Variants in AKAP13 observed in about 807,000 individuals in gnomAD.
The protein encoded by AKAP13 is A-kinase anchoring protein 13.
Under a neutral mutation model 264.5 loss-of-function variants are expected in AKAP13, and 80 were observed. The observed-to-expected ratio is 0.30, with a 90% CI of 0.25 to 0.36. The LOEUF (loss-of-function observed/expected upper bound fraction) is 0.36. Ranked by LOEUF, AKAP13 falls within the 10% of genes least tolerant of loss-of-function variation. The pLI is 1.00. For missense variants in AKAP13, 3,712 were observed against 3,435.2 expected (o/e 1.08, Z -2.01); for synonymous variants, 1,380 against 1,250.2 (o/e 1.10, Z -2.19).
intron 1 of AKAP13, among the ~76,000 whole-genome samples, chr15:85,399,501 TCAAAAA>T (rs2071287054): frequency 6.1e-5 from 1 of 16,376 alleles, no homozygotes; most frequent in East Asian, 1.3e-3. Flanking sequence ...AGACTCCGTC[TCAAAAA>T]AAAAAAAAAA....
At chr15:85,423,539 T>C (rs1219590237) in intron 1 of AKAP13, among the ~76,000 whole-genome samples, 3 of 152,236 alleles carry the variant, frequency 2.0e-5, no homozygotes, top group African/African-American at 7.2e-5. Flanking sequence ...CCACTTCCAA[T>C]TCTAATTCTC....
At chr15:85,680,764 C>G (rs1489568278) in intron 14 of AKAP13, among the ~76,000 whole-genome samples, 1 of 152,164 alleles carries the variant, frequency 6.6e-6, no homozygotes, top group South Asian at 2.1e-4. Flanking sequence ...TGTTCAGAAT[C>G]TGGAACAGTT....
At chr15:85,653,951 A>G (rs575568293) in intron 10 of AKAP13, among the ~76,000 whole-genome samples, 45 of 152,160 alleles carry the variant, frequency 3.0e-4, no homozygotes, top group Non-Finnish European at 5.7e-4. Context: ...TCTCAGGTTC[A>G]AGAGATTTTC....
At chr15:85,736,529 G>A (rs538739696) in intron 33 of AKAP13, among the ~76,000 whole-genome samples, 1 of 152,248 alleles carries the variant, frequency 6.6e-6, no homozygotes, top group African/African-American at 2.4e-5. Context: ...CAGAGTAGCT[G>A]GGACTACAGG....
chr15:85,730,616 C>T lies in AKAP13; in HGVS notation c.7191C>T (p.Cys2397=). Residue 2397 remains cysteine (C), a synonymous_variant, in exon 30 of 37, where the codon TGC becomes TGT. Coordinates refer to ENST00000394518, the MANE Select transcript of AKAP13 (RefSeq NM_007200.5). ...AECSTPLPED[C]SPTHSPRVLF... ...GCAGCACCCCTCTCCCAGAGGATTG[C>T]TCCCCAACACATAGCCCTAGAGTTC... 3.1e-6 allele frequency: 5 copies of T among 1,614,114 alleles called. No homozygotes were observed. The highest frequency in any genetic ancestry group is 4.2e-6 in the Non-Finnish European group (5 of 1,180,002).
chr15:85,510,157 T>C lies in AKAP13; in HGVS notation c.34-11271T>C, dbSNP rs1247113943. Among the ~76,000 whole-genome samples the C allele has an allele frequency of 3.9e-5, 6 of 152,200 alleles. No homozygotes were observed. In the East Asian group the frequency reaches 1.2e-3, roughly 29 times the overall value. On this transcript the variant is annotated intron_variant, in intron 2 of 36. Coordinates refer to ENST00000394518, the MANE Select transcript of AKAP13 (RefSeq NM_007200.5). ...TATGTGTCTTTTTCCCTGAAGAGGC[T>C]GTGTACAAAGATGAATGAGATGCAG...
At chr15:85,606,813 A>C (rs993008816) in intron 8 of AKAP13, among the ~76,000 whole-genome samples, 1 of 152,214 alleles carries the variant, frequency 6.6e-6, no homozygotes, top group Non-Finnish European at 1.5e-5. Flanking sequence ...AGAATCTTGC[A>C]AGGAAAGGTG....
Position 85,708,915 on chromosome 15 carries a change from T to G in AKAP13, c.5532+829T>G, listed in dbSNP as rs2086470584. On this transcript the variant is annotated intron_variant, in intron 18 of 36. Transcript: ENST00000394518. The surrounding 1 kb of genome is among the most constrained non-coding windows in gnomAD (Gnocchi z 4.3). ...AACTTACTGAGCCCCACTCCCAGAG[T>G]CTCAGATTCTGGGGGAGAGTCCAGG... Among the ~76,000 whole-genome samples, 1 of 152,080 alleles carries G rather than the reference T, an allele frequency of 6.6e-6. No homozygotes were observed.
intron 2 of AKAP13, among the ~76,000 whole-genome samples, chr15:85,507,248 A>G (rs1448265216): frequency 6.6e-6 from 1 of 152,114 alleles, no homozygotes; most frequent in Non-Finnish European, 1.5e-5. Context: ...CTAAAAGGTT[A>G]TATTAGACTA....
chr15:85,420,759 TC>T (rs1567048000), intron 1 of AKAP13, among the ~76,000 whole-genome samples: 4 of 152,136 alleles, frequency 2.6e-5, no homozygotes, highest in African/African-American at 9.7e-5. Flanking sequence ...AAAGAGAATT[TC>T]CCCCAATATT....
intron 19 of AKAP13, among the ~76,000 whole-genome samples, chr15:85,712,106 T>G (rs1402156832): frequency 1.3e-5 from 2 of 152,160 alleles, no homozygotes; most frequent in African/African-American, 4.8e-5. Context: ...AGTGCTGAGA[T>G]AACAGGCATG....
intron 4 of AKAP13, chr15:85,537,037 A>T (rs28421873): frequency 2.0e-5 from 3 of 152,082 alleles, no homozygotes; most frequent in East Asian, 3.8e-4. Flanking sequence ...GGTGAAATGC[A>T]TGCAAGTGAC....
intron 9 of AKAP13, among the ~76,000 whole-genome samples, chr15:85,643,740 G>A (rs2082417698): frequency 6.6e-6 from 1 of 152,140 alleles, no homozygotes; most frequent in South Asian, 2.1e-4. Context: ...ACACTCACTG[G>A]TCTTTGCCCC....
chr15:85,729,274 A>G (rs527560910), intron 29 of AKAP13, among the ~76,000 whole-genome samples: 1 of 152,192 alleles, frequency 6.6e-6, no homozygotes, highest in East Asian at 1.9e-4. Context: ...GCACCACTGC[A>G]CTTCACTTCA....
At chr15:85,743,960 A>C in intron 36 of AKAP13, 135 bp downstream of exon 36, 2 of 1,030,476 alleles carry the variant, frequency 1.9e-6, no homozygotes, top group Non-Finnish European at 1.4e-6. Flanking sequence ...CATCCTTTTC[A>C]CCAGCTCCGC....
intron 29 of AKAP13, among the ~76,000 whole-genome samples, chr15:85,729,399 G>C (rs552938591): frequency 6.6e-6 from 1 of 152,186 alleles, no homozygotes; most frequent in Non-Finnish European, 1.5e-5. Flanking sequence ...TGACCTGGAA[G>C]ATGAAGAGTT....
At position 85,740,531 on chromosome 15, in the gene AKAP13, T is replaced by G. The variant is rs2088874902; in HGVS notation, c.7608+259T>G. 8.3e-6 allele frequency: 4 copies of G among 482,888 alleles called. No homozygotes were observed. The South Asian group carries it at 1.4e-4, about 17-fold the overall frequency. The allele number at this position is 482,888 out of a possible 1,614,324, so 29.9% of individuals were successfully genotyped here. ...ATCACATAGCATGCTAACATGCATC[T>G]GGGAGATTACTTCACTTTAGAAAGC... On this transcript the variant is annotated intron_variant, in intron 34 of 36. Transcript: ENST00000394518.
intron 16 of AKAP13, chr15:85,690,085 T>A (rs1447462227): frequency 6.6e-6 from 1 of 152,344 alleles, no homozygotes; most frequent in East Asian, 1.9e-4. Flanking sequence ...GTGAGATTCA[T>A]AGGACCAAAG....
At chr15:85,560,128 TAAAAAAAA>T (rs55715424) in intron 5 of AKAP13, among the ~76,000 whole-genome samples, 1 of 54,582 alleles carries the variant, frequency 1.8e-5, no homozygotes, top group African/African-American at 6.6e-5. Flanking sequence ...TGTCTCCACC[TAAAAAAAA>T]AAAAAAAAAA....
Sources: allele counts gnomAD v4.1 joint callset (sites outside exome capture counted in the v4.1 genomes callset), GRCh38; gene constraint gnomAD v4.1.1; non-coding constraint Gnocchi (gnomAD v3.1); transcripts MANE v1.5; gene names NCBI Gene and HGNC (gene_info 2026-07-23, HGNC 2026-07-21).